ADSS2: variants seen among roughly 807,000 people sequenced by gnomAD.
ADSS2 encodes the protein adenylosuccinate synthetase isozyme 2.
A neutral mutation model predicts 60.0 loss-of-function variants in ADSS2; 30 were observed. The ratio of observed to expected loss-of-function variants is 0.50; its 90% confidence interval spans 0.37 to 0.68. The LOEUF (loss-of-function observed/expected upper bound fraction) is 0.68. Among genes scored for constraint, ADSS2 ranks in the 30% least tolerant of loss-of-function variants. The pLI is 0.00. For synonymous variants in ADSS2, 187 were observed against 193.1 expected, an observed-to-expected ratio of 0.97 and a Z score of 0.26; for missense variants, 373 against 554.8, an observed-to-expected ratio of 0.67 and a Z score of 3.29.
At chr1:244,417,582 A>G in intron 10 of ADSS2, 46 bp downstream of exon 10, 1 of 1,600,518 alleles carries the variant, frequency 6.2e-7, no homozygotes. Flanking sequence ...TATGGCCATT[A>G]ATCATCTATG....
intron 9 of ADSS2, 96 bp downstream of exon 9, chr1:244,418,664 A>G: frequency 1.6e-6 from 2 of 1,285,286 alleles, no homozygotes; most frequent in Non-Finnish European, 2.1e-6. Context: ...CAATCTTGCA[A>G]ATTAAGTGAA....
rs757147108 is a variant in ADSS2, at chr1:244,451,049, C to G, written c.183+586G>C. On this transcript the variant is annotated intron_variant, in intron 1 of 12. Coordinates refer to ENST00000366535, the MANE Select transcript of ADSS2 (RefSeq NM_001126.5). This position sits in a 1 kb window ranked among gnomAD's most constrained non-coding sequence, Gnocchi z 6.6. ...GGCCCTAAAACAACAGTCCAAAGCC[C>G]AGAGGTGGGTGGGTTTGGATGTCAA... is the stretch of plus-strand genomic sequence containing the variant. Among the ~76,000 whole-genome samples, 8 of 152,132 alleles carry G rather than the reference C, an allele frequency of 5.3e-5. No individual in the cohort carries two copies. The highest frequency in any genetic ancestry group is 8.8e-5 in the Non-Finnish European group (6 of 68,016).
intron 1 of ADSS2, among the ~76,000 whole-genome samples, chr1:244,441,059 T>TA (rs1665228804): frequency 6.7e-6 from 1 of 148,414 alleles, no homozygotes; most frequent in African/African-American, 2.5e-5. Flanking sequence ...CTTAACTTAG[T>TA]CTTTTTTTTT....
At position 244,451,821 on chromosome 1, in the gene ADSS2, T is replaced by A; in HGVS notation, c.-4A>T. 6.3e-7 allele frequency: 1 copy of A among 1,575,112 alleles called. No homozygotes were observed. The highest frequency in any genetic ancestry group is 8.6e-7 in the Non-Finnish European group (1 of 1,163,754). On this transcript the variant is annotated 5_prime_UTR_variant, in exon 1 of 13. Transcript: ENST00000366535. The surrounding 1 kb of genome is among the most constrained non-coding windows in gnomAD (Gnocchi z 6.6). ...GGTAGGTCTCGGCGAACGCCATGGC[T>A]CCAGTGACGCGAGGAGAGCCCGAAG...
intron 3 of ADSS2, among the ~76,000 whole-genome samples, chr1:244,433,894 A>G (rs1665016364): frequency 6.6e-6 from 1 of 151,470 alleles, no homozygotes; most frequent in Non-Finnish European, 1.5e-5. Context: ...GGTAAAGAAA[A>G]TAAACTTTTT....
chr1:244,426,861 T>C (rs1210393099), intron 4 of ADSS2, among the ~76,000 whole-genome samples: 1 of 152,154 alleles, frequency 6.6e-6, no homozygotes, highest in Non-Finnish European at 1.5e-5. Context: ...GAGCACTATA[T>C]GCCATGCTAC....
chr1:244,420,373 T>C, intron 7 of ADSS2, 77 bp from the exon 8 acceptor site: 1 of 1,310,594 alleles, frequency 7.6e-7, no homozygotes, highest in Non-Finnish European at 1.0e-6. Context: ...ATAAATTACC[T>C]GACTTTATGA....
chr1:244,416,967 T>C (rs1572130155), intron 10 of ADSS2, among the ~76,000 whole-genome samples: 1 of 152,246 alleles, frequency 6.6e-6, no homozygotes, highest in Admixed American at 6.5e-5. Context: ...CCAAAAACTG[T>C]ATTTTTAACT....
rs371989707 is a variant in ADSS2 at position 244,412,404 on chromosome 1, T to C, written c.1169-968A>G. ...GGCACCAGGAATGGTTAGAGGAAGA[T>C]AGCTCTAAAATGAGAACTAAGAGGC... is the stretch of plus-strand genomic sequence containing the variant. On this transcript the variant is annotated intron_variant, in intron 11 of 12. Coordinates refer to ENST00000366535, the MANE Select transcript of ADSS2 (RefSeq NM_001126.5). 1.8e-4 allele frequency among the ~76,000 whole-genome samples: 27 copies of C among 152,294 alleles called. 1 individual carries two copies. In the South Asian group the frequency reaches 5.6e-3, roughly 32 times the overall value.
Position 244,417,713 on chromosome 1 carries a change from C to G in ADSS2, c.985G>C (p.Gly329Arg). The G allele has an allele frequency of 6.2e-7, 1 of 1,613,366 alleles. No individual in the cohort carries two copies. Among genetic ancestry groups the G allele is most frequent in the Non-Finnish European group, 8.5e-7 (1 of 1,179,630 alleles). ...ELLQTRGREF[G>R]VTTGRKRRCG... ...CTTCTTTTCCTTCCAGTAGTTACAC[C>G]AAACTCTCTACCCCTTGTTTGTAAT... Residue 329 changes from glycine (G) to arginine (R), a missense_variant, in exon 10 of 13, where the codon GGT (glycine) becomes CGT (arginine). Physicochemically the swap from Gly to Arg is moderately radical, Grantham distance 125. Coordinates refer to ENST00000366535, the MANE Select transcript of ADSS2 (RefSeq NM_001126.5).
chr1:244,425,645 C>T (rs1042467798), intron 4 of ADSS2, among the ~76,000 whole-genome samples: 3 of 152,032 alleles, frequency 2.0e-5, no homozygotes, highest in African/African-American at 7.3e-5. Flanking sequence ...CTAAAACTAT[C>T]AAGGCAGTCC....
chr1:244,417,183 G>A (rs1664553288), intron 10 of ADSS2, among the ~76,000 whole-genome samples: 4 of 152,262 alleles, frequency 2.6e-5, no homozygotes, highest in Non-Finnish European at 1.5e-5. Context: ...ATTTCAGAGA[G>A]GATAAAACAG....
Position 244,433,808 on chromosome 1 carries a change from C to T in ADSS2, c.356-1213G>A, listed in dbSNP as rs1195235524. On this transcript the variant is annotated intron_variant, in intron 3 of 12. Coordinates refer to ENST00000366535, the MANE Select transcript of ADSS2 (RefSeq NM_001126.5). Reference sequence around the variant, plus strand: ...CCGGGAGGCGGAGACTGCAGTGAGCCAAGATTGTGCCACTGCACTCCAGCC... The same window carrying T: ...CCGGGAGGCGGAGACTGCAGTGAGCTAAGATTGTGCCACTGCACTCCAGCC... Among the ~76,000 whole-genome samples the T allele has an allele frequency of 2.8e-5, 4 of 141,872 alleles. No individual in the cohort carries two copies. In the East Asian group the frequency reaches 9.1e-4, roughly 32 times the overall value. The allele number at this position is 141,872 out of a possible 152,430, so 93.1% of individuals were successfully genotyped here.
chr1:244,451,552 C>G lies in ADSS2; in HGVS notation c.183+83G>C. 1 of 1,444,938 alleles carries G rather than the reference C, an allele frequency of 6.9e-7. No homozygotes were observed. Among genetic ancestry groups the G allele is most frequent in the Non-Finnish European group, 9.2e-7 (1 of 1,082,298 alleles). The allele number at this position is 1,444,938 out of a possible 1,614,324, so 89.5% of individuals were successfully genotyped here. On this transcript the variant is annotated intron_variant, in intron 1 of 12. Coordinates refer to ENST00000366535, the MANE Select transcript of ADSS2 (RefSeq NM_001126.5). This position sits in a 1 kb window ranked among gnomAD's most constrained non-coding sequence, Gnocchi z 6.6. ...TCATTTTGGCCAGTGGATCCGGGTT[C>G]TGGGTCCGAGTTCCCGGGCACCAGG...
intron 6 of ADSS2, among the ~76,000 whole-genome samples, chr1:244,423,134 G>A (rs1168013743): frequency 1.3e-5 from 2 of 152,150 alleles, no homozygotes; most frequent in African/African-American, 2.4e-5. Context: ...TTTAGGCATA[G>A]CAACAATATA....
chr1:244,441,137 C>A (rs952219494), intron 1 of ADSS2, among the ~76,000 whole-genome samples: 5 of 151,526 alleles, frequency 3.3e-5, no homozygotes, highest in African/African-American at 1.2e-4. Context: ...CGGCCCACTG[C>A]AAACTCCGCC....
chr1:244,436,408 TA>T (rs1484652823), intron 3 of ADSS2, among the ~76,000 whole-genome samples: 1 of 152,194 alleles, frequency 6.6e-6, no homozygotes, highest in African/African-American at 2.4e-5. Flanking sequence ...AGGAGGGACC[TA>T]AACGATTCCC....
At chr1:244,445,963 T>C (rs1478817344) in intron 1 of ADSS2, among the ~76,000 whole-genome samples, 3 of 152,208 alleles carry the variant, frequency 2.0e-5, no homozygotes, top group Non-Finnish European at 2.9e-5. Flanking sequence ...TTGCTTTGAA[T>C]ATATGAACAA....
At chr1:244,424,487 C>A in intron 4 of ADSS2, 100 bp from the exon 5 acceptor site, 1 of 903,270 alleles carries the variant, frequency 1.1e-6, no homozygotes, top group Non-Finnish European at 1.8e-6. Flanking sequence ...CCTTCAGCCT[C>A]ATTTCAGTAT....
Sources: gnomAD v4.1 joint callset for allele counts (sites outside exome capture counted in the v4.1 genomes callset) on GRCh38, gnomAD v4.1.1 for gene constraint, Gnocchi (gnomAD v3.1) non-coding constraint, MANE v1.5 for transcripts, NCBI Gene and HGNC (gene_info 2026-07-23, HGNC 2026-07-21) for gene names.